The following TNNI3K variants were observed in gnomAD, a reference collection of about 807,000 sequenced individuals.
TNNI3K encodes the protein TNNI3 interacting kinase.
TNNI3K carries 140 observed loss-of-function variants against 114.5 expected under a neutral mutation model. That is an observed-to-expected ratio of 1.22 (90% CI 1.07 to 1.41). The LOEUF is 1.41. TNNI3K is among the 40% of genes most tolerant of loss of function. TNNI3K has a pLI of 0.00. For synonymous variants in TNNI3K, 347 were observed against 347.5 expected, an observed-to-expected ratio of 1.00 and a Z score of 0.02; for missense variants, 1,125 against 1,007.6, an observed-to-expected ratio of 1.12 and a Z score of -1.58.
At chr1:74,509,426 G>T (rs1670066635) in intron 23 of TNNI3K, among the ~76,000 whole-genome samples, 1 of 152,168 alleles carries the variant, frequency 6.6e-6, no homozygotes, top group African/African-American at 2.4e-5. Flanking sequence ...CAATAGAAAA[G>T]ATTTAAGATG....
intron 7 of TNNI3K, among the ~76,000 whole-genome samples, chr1:74,339,186 A>G (rs1660630392): frequency 6.6e-6 from 1 of 152,140 alleles, no homozygotes; most frequent in Non-Finnish European, 1.5e-5. Context: ...TATTCCCCTT[A>G]CATACCAGCA....
At chr1:74,256,456 G>A (rs1449532761) in intron 4 of TNNI3K, among the ~76,000 whole-genome samples, 3 of 151,256 alleles carry the variant, frequency 2.0e-5, no homozygotes, top group Admixed American at 2.0e-4. Flanking sequence ...AAATCTTTTT[G>A]CCATTTGTAA....
chr1:74,441,307 A>G (rs1308229249), intron 20 of TNNI3K, among the ~76,000 whole-genome samples: 2 of 152,234 alleles, frequency 1.3e-5, no homozygotes, highest in South Asian at 2.1e-4. Context: ...AAGCTTACTT[A>G]TATACCAATG....
At chr1:74,412,843 A>G (rs1361255700) in intron 17 of TNNI3K, among the ~76,000 whole-genome samples, 1 of 152,086 alleles carries the variant, frequency 6.6e-6, no homozygotes, top group Admixed American at 6.5e-5. Flanking sequence ...CGAACTCCTG[A>G]CCTCAAGTGA....
chr1:74,410,249 T>C lies in TNNI3K; in HGVS notation c.1773-25831T>C, dbSNP rs960521850. 2.6e-5 allele frequency among the ~76,000 whole-genome samples: 4 copies of C among 152,180 alleles called. No homozygotes were observed. In the East Asian group the frequency reaches 7.7e-4, roughly 29 times the overall value. ...ATTTATAGAATCCCATTTTAAATTT[T>C]AAAATTAAAGTATTATTAATCCCTA... On this transcript the variant is annotated intron_variant, in intron 17 of 24. Transcript: ENST00000326637.
chr1:74,520,419 A>T (rs927191703), intron 23 of TNNI3K, among the ~76,000 whole-genome samples: 1 of 151,936 alleles, frequency 6.6e-6, no homozygotes, highest in East Asian at 1.9e-4. Context: ...CTGTGACTCC[A>T]TGGATTCTCC....
chr1:74,452,029 A>AT (rs1667050371), intron 20 of TNNI3K, among the ~76,000 whole-genome samples: 1 of 152,012 alleles, frequency 6.6e-6, no homozygotes, highest in Admixed American at 6.6e-5. Context: ...ATATATTACC[A>AT]TTGCTTAAAA....
intron 17 of TNNI3K, among the ~76,000 whole-genome samples, chr1:74,384,784 G>T (rs1663388487): frequency 6.6e-6 from 1 of 152,016 alleles, no homozygotes; most frequent in South Asian, 2.1e-4. Flanking sequence ...AAATTTTTAT[G>T]TCTAAATTAA....
At chr1:74,253,636 G>A (rs996328474) in intron 4 of TNNI3K, among the ~76,000 whole-genome samples, 11 of 152,112 alleles carry the variant, frequency 7.2e-5, no homozygotes, top group African/African-American at 2.7e-4. Flanking sequence ...GCCGCTCGGA[G>A]TGCGGGCCCG....
intron 5 of TNNI3K, among the ~76,000 whole-genome samples, chr1:74,321,914 C>A (rs892796440): frequency 1.3e-5 from 2 of 152,046 alleles, no homozygotes; most frequent in South Asian, 4.1e-4. Flanking sequence ...ACTCTGTAAT[C>A]ACATGACATA....
At chr1:74,349,597 G>C (rs1570501106) in intron 9 of TNNI3K, among the ~76,000 whole-genome samples, 1 of 152,142 alleles carries the variant, frequency 6.6e-6, no homozygotes, top group Non-Finnish European at 1.5e-5. Flanking sequence ...AATCCATCTG[G>C]TCCTGGACTT....
intron 17 of TNNI3K, among the ~76,000 whole-genome samples, chr1:74,415,843 A>G (rs1269571180): frequency 6.6e-6 from 1 of 151,904 alleles, no homozygotes; most frequent in Non-Finnish European, 1.5e-5. Context: ...CTTTCTCTAC[A>G]TAATATGAGT....
At chr1:74,454,493 A>G (rs1161721946) in intron 20 of TNNI3K, among the ~76,000 whole-genome samples, 4 of 152,138 alleles carry the variant, frequency 2.6e-5, no homozygotes, top group African/African-American at 9.7e-5. Context: ...TGCCTGGCTT[A>G]TTTCACTTCA....
At chr1:74,475,116 C>CCACACACACACACACACACACACACACA (rs3058791) in intron 21 of TNNI3K, among the ~76,000 whole-genome samples, 1 of 135,912 alleles carries the variant, frequency 7.4e-6, no homozygotes, top group Non-Finnish European at 1.6e-5. Context: ...CCACCTCAGC[C>CCACACACACACACACACACACACACACA]CACACACACA....
intron 21 of TNNI3K, among the ~76,000 whole-genome samples, chr1:74,487,378 G>A (rs529546121): frequency 6.6e-6 from 1 of 152,244 alleles, no homozygotes; most frequent in African/African-American, 2.4e-5. Flanking sequence ...AGAGGAAAAG[G>A]TACAAAATAG....
At position 74,524,952 on chromosome 1, in the gene TNNI3K, G is replaced by A. The variant is rs375689247; in HGVS notation, c.2352-15282G>A. ...TACTTTGGGGCTGGAAAGAGAGGTA[G>A]CCAATTAATTTGCTTTTTTATACCT... On this transcript the variant is annotated intron_variant, in intron 23 of 24. Coordinates refer to ENST00000326637, the MANE Select transcript of TNNI3K (RefSeq NM_015978.3). Among the ~76,000 whole-genome samples the A allele has an allele frequency of 6.6e-5, 10 of 152,220 alleles. No individual in the cohort carries two copies. In the South Asian group the frequency reaches 1.5e-3, roughly 22 times the overall value.
At chr1:74,529,769 G>GT (rs998106991) in intron 23 of TNNI3K, among the ~76,000 whole-genome samples, 2 of 152,106 alleles carry the variant, frequency 1.3e-5, no homozygotes, top group East Asian at 3.9e-4. Context: ...TAAATGAAAA[G>GT]TTTTTTTAAG....
chr1:74,315,486 G>T (rs11803686), intron 5 of TNNI3K, among the ~76,000 whole-genome samples: 7,077 of 151,938 alleles, frequency 0.047, 201 homozygotes, highest in Non-Finnish European at 0.054. Context: ...GCTGGATGGA[G>T]ACTTGGTTTG....
chr1:74,494,055 GATACCCTGAAGAGTGCAT>G (rs1669211236), intron 23 of TNNI3K, among the ~76,000 whole-genome samples: 1 of 152,126 alleles, frequency 6.6e-6, no homozygotes, highest in African/African-American at 2.4e-5. Context: ...GAGCTTCATA[GATACCCTGAAGAGTGCAT>G]ACTTTCCAAC....
Sources: allele counts gnomAD v4.1 joint callset (sites outside exome capture counted in the v4.1 genomes callset), GRCh38; gene constraint gnomAD v4.1.1; transcripts MANE v1.5; gene names NCBI Gene and HGNC (gene_info 2026-07-23, HGNC 2026-07-21).